KCNMB1: variants seen among roughly 807,000 people sequenced by gnomAD.
KCNMB1 encodes the protein calcium-activated potassium channel subunit beta-1.
A neutral mutation model predicts 21.7 loss-of-function variants in KCNMB1; 22 were observed. The ratio of observed to expected loss-of-function variants is 1.01; its 90% CI spans 0.72 to 1.45. The LOEUF (loss-of-function observed/expected upper bound fraction) is 1.45. Ranked by LOEUF, KCNMB1 falls within the 40% of genes most tolerant of loss-of-function variation. The probability of loss-of-function intolerance (pLI) is 0.00; values close to 1 mark genes in which losing one functional copy is unlikely to be tolerated. For missense variants in KCNMB1, 243 were observed against 243.4 expected (o/e 1.00, Z 0.01); for synonymous variants, 114 against 107.6 (o/e 1.06, Z -0.37).
At chr5:170,379,764 C>T (rs1414060541) in intron 3 of KCNMB1, among the ~76,000 whole-genome samples, 1 of 151,982 alleles carries the variant, frequency 6.6e-6, no homozygotes, top group Admixed American at 6.5e-5. Context: ...GCCTAGGCAA[C>T]ATAGCAAGAC....
chr5:170,383,431 G>C (rs1366019670), intron 3 of KCNMB1: 2 of 609,100 alleles, frequency 3.3e-6, no homozygotes, highest in Non-Finnish European at 5.9e-6. Flanking sequence ...ACTTTACAAG[G>C]GTGGAAACTG....
chr5:170,379,045 AAAG>A (rs1269621180), intron 3 of KCNMB1, 72 bp from the exon 4 acceptor site: 1 of 1,538,530 alleles, frequency 6.5e-7, no homozygotes, highest in African/African-American at 1.4e-5. Context: ...GATATGGAGT[AAAG>A]AAAAATACCA....
chr5:170,380,580 C>T (rs1764200463), intron 3 of KCNMB1, among the ~76,000 whole-genome samples: 1 of 152,224 alleles, frequency 6.6e-6, no homozygotes, highest in Non-Finnish European at 1.5e-5. Flanking sequence ...AGATGCTGCA[C>T]TCAGATCTAG....
chr5:170,378,457 T>C lies in KCNMB1; in HGVS notation c.*247A>G, dbSNP rs991612765. ...GAGTCAGTTGAGTGGGGACAGGTAATAGAGAGCTAGAACTGGCTGGCCTTA... is the reference window on the plus strand; with the variant it reads ...GAGTCAGTTGAGTGGGGACAGGTAACAGAGAGCTAGAACTGGCTGGCCTTA... On this transcript the variant is annotated 3_prime_UTR_variant, in exon 4 of 4. Transcript: ENST00000274629. 1.2e-5 allele frequency: 6 copies of C among 506,644 alleles called. No individual in the cohort carries two copies. The highest frequency in any genetic ancestry group is 1.1e-4 in the Admixed American group (3 of 27,366). The allele number at this position is 506,644 out of a possible 1,614,324, so 31.4% of individuals were successfully genotyped here.
intron 3 of KCNMB1, among the ~76,000 whole-genome samples, chr5:170,380,724 C>A (rs1054442385): frequency 6.6e-6 from 1 of 152,200 alleles, no homozygotes; most frequent in Non-Finnish European, 1.5e-5. Context: ...GGTGAGGGGG[C>A]CTGGCCTGAG....
chr5:170,378,946 T>C lies in KCNMB1; in HGVS notation c.334A>G (p.Asn112Asp). 1 of 1,614,106 alleles carries C rather than the reference T, an allele frequency of 6.2e-7. No individual in the cohort carries two copies. Among genetic ancestry groups the C allele is most frequent in the Non-Finnish European group, 8.5e-7 (1 of 1,179,942 alleles). Residue 112 changes from asparagine to aspartate, a missense_variant, in exon 4 of 4, where the codon AAT becomes GAT. Asn to Asp is a conservative substitution (Grantham distance 23). Transcript: ENST00000274629. ...ACGTCGGCCCGGGCCGTCTGGTAAT[T>C]GTCCACGCTGCCTGGGATGTAGGAG... Reference protein sequence around the residue: ...QCSYIPGSVDNYQTARADVEK... With the variant: ...QCSYIPGSVDDYQTARADVEK...
rs1167024310 is a variant in KCNMB1 at position 170,378,898 on chromosome 5, G to T, written c.382C>A (p.Gln128Lys). Residue 128 changes from glutamine to lysine, a missense_variant, in exon 4 of 4, where the codon CAA becomes AAA. Coordinates refer to ENST00000274629, the MANE Select transcript of KCNMB1 (RefSeq NM_004137.4). ...ADVEKVRAKF[Q>K]EQQVFYCFSA... ...AAGCAGTAGAAGACCTGCTGCTCTT[G>T]GAATTTGGCTCTGACCTTCTCCACG... is the stretch of plus-strand genomic sequence containing the variant. 6.2e-7 allele frequency: 1 copy of T among 1,614,132 alleles called. No individual in the cohort carries two copies. The highest frequency in any genetic ancestry group is 8.5e-7 in the Non-Finnish European group (1 of 1,180,058).
At chr5:170,385,563 C>G in intron 1 of KCNMB1, 92 bp from the exon 2 acceptor site, 1 of 1,129,370 alleles carries the variant, frequency 8.9e-7, no homozygotes, top group African/African-American at 1.5e-5. Context: ...AGGTACTCAA[C>G]TATTAATATC....
Position 170,378,952 on chromosome 5 carries a change from C to T in KCNMB1, c.328G>A (p.Val110Met), listed in dbSNP as rs2301149. 2.2e-5 allele frequency: 36 copies of T among 1,613,916 alleles called. No homozygotes were observed. The East Asian group carries it at 6.0e-4, about 27-fold the overall frequency. ...GCCCGGGCCGTCTGGTAATTGTCCA[C>T]GCTGCCTGGGATGTAGGAGCACTGT... is the stretch of plus-strand genomic sequence containing the variant. Reference protein sequence around the residue: ...NQQCSYIPGSVDNYQTARADV... With the variant: ...NQQCSYIPGSMDNYQTARADV... The change falls in exon 4 of 4, where the codon GTG becomes ATG. Residue 110 changes from valine (V) to methionine (M), a missense_variant. Physicochemically the swap from Val to Met is conservative, Grantham distance 21. Transcript: ENST00000274629.
chr5:170,378,903 T>C lies in KCNMB1; in HGVS notation c.377A>G (p.Lys126Arg). The change falls in exon 4 of 4, where the codon AAA becomes AGA. Residue 126 changes from lysine to arginine, a missense_variant. Transcript: ENST00000274629. Reference protein sequence around the residue: ...ARADVEKVRAKFQEQQVFYCF... With the variant: ...ARADVEKVRARFQEQQVFYCF... ...GTAGAAGACCTGCTGCTCTTGGAAT[T>C]TGGCTCTGACCTTCTCCACGTCGGC... The C allele has an allele frequency of 6.2e-7, 1 of 1,614,210 alleles. No individual in the cohort carries two copies. Among genetic ancestry groups the C allele is most frequent in the South Asian group, 1.1e-5 (1 of 91,078 alleles).
chr5:170,381,226 T>A (rs1764227184), intron 3 of KCNMB1, among the ~76,000 whole-genome samples: 1 of 152,176 alleles, frequency 6.6e-6, no homozygotes, highest in African/African-American at 2.4e-5. Flanking sequence ...GGGGCCTGAA[T>A]GCATCCTTTC....
chr5:170,386,128 A>C (rs1237634386), intron 1 of KCNMB1, among the ~76,000 whole-genome samples: 1 of 152,004 alleles, frequency 6.6e-6, no homozygotes, highest in Non-Finnish European at 1.5e-5. Context: ...CCGTCAAAAA[A>C]AAAAACAAAA....
Position 170,378,737 on chromosome 5 carries a change from G to C in KCNMB1, c.543C>G (p.Asn181Lys). ...GLLIIAMVKSNQYLSILAAQK is the reference protein window; with the variant it reads ...GLLIIAMVKSKQYLSILAAQK ...GGGCCGCCAGGATGGACAGGTACTG[G>C]TTGCTCTTCACCATGGCGATAATGA... is the stretch of plus-strand genomic sequence containing the variant. Residue 181 changes from asparagine (N) to lysine (K), a missense_variant, in exon 4 of 4, where the codon AAC (asparagine) becomes AAG (lysine). Coordinates refer to ENST00000274629, the MANE Select transcript of KCNMB1 (RefSeq NM_004137.4). 1.9e-6 allele frequency: 3 copies of C among 1,613,974 alleles called. No individual in the cohort carries two copies. Among genetic ancestry groups the C allele is most frequent in the Non-Finnish European group, 2.5e-6 (3 of 1,179,950 alleles).
intron 3 of KCNMB1, chr5:170,382,655 CTTTTT>C (rs5873227): frequency 0.033 from 4,315 of 129,512 alleles, 143 homozygotes; most frequent in African/African-American, 0.091. Flanking sequence ...AAGAGCCTTT[CTTTTT>C]TTTTTTTTTT....
intron 3 of KCNMB1, among the ~76,000 whole-genome samples, chr5:170,380,095 G>A (rs1292871838): frequency 6.6e-6 from 1 of 152,222 alleles, no homozygotes; most frequent in Non-Finnish European, 1.5e-5. Flanking sequence ...ATTGAAAAGA[G>A]TTTTGTGCCA....
intron 3 of KCNMB1, 75 bp downstream of exon 3, chr5:170,383,603 GA>G (rs781095389): frequency 6.6e-7 from 1 of 1,525,258 alleles, no homozygotes; most frequent in Admixed American, 1.7e-5. Context: ...CAGCCTCGGG[GA>G]CAGGGACAGT....
chr5:170,383,266 G>C, intron 3 of KCNMB1: 1 of 357,142 alleles, frequency 2.8e-6, no homozygotes, highest in Middle Eastern at 7.4e-4. Context: ...CCCTGGGCCT[G>C]GTCCCTCATT....
At position 170,387,047 on chromosome 5, in the gene KCNMB1, C is replaced by T. The variant is rs1047230209; in HGVS notation, c.-24-1576G>A. ...CCCAGCCATGGTCCCCGCGTGATTT[C>T]CCATGGTTCCGCAAGCTGTCCTAGA... On this transcript the variant is annotated intron_variant, in intron 1 of 3. Transcript: ENST00000274629. Among the ~76,000 whole-genome samples, 9 of 152,208 alleles carry T rather than the reference C, an allele frequency of 5.9e-5. No individual in the cohort carries two copies. In the South Asian group the frequency reaches 1.9e-3, roughly 32 times the overall value.
At position 170,383,782 on chromosome 5, in the gene KCNMB1, C is replaced by A. The variant is rs984046056; in HGVS notation, c.203G>T (p.Gly68Val). The change falls in exon 3 of 4, where the codon GGC (glycine) becomes GTC (valine). Residue 68 changes from glycine to valine, a missense_variant. By Grantham distance (109) the Gly-to-Val change is moderately radical. Coordinates refer to ENST00000274629, the MANE Select transcript of KCNMB1 (RefSeq NM_004137.4). ...GCATGGGTACTGGGGCACCTTCTTGCCCTTCAGCTCCTCCTGGTCCCTGAT... is the reference window on the plus strand; with the variant it reads ...GCATGGGTACTGGGGCACCTTCTTGACCTTCAGCTCCTCCTGGTCCCTGAT... ...TNIRDQEELKGKKVPQYPCLW... is the reference protein window; with the variant it reads ...TNIRDQEELKVKKVPQYPCLW... The A allele has an allele frequency of 9.9e-6, 16 of 1,613,946 alleles. No homozygotes were observed. The highest frequency in any genetic ancestry group is 1.4e-5 in the Non-Finnish European group (16 of 1,179,978).
Sources: gnomAD v4.1 joint callset for allele counts (sites outside exome capture counted in the v4.1 genomes callset) on GRCh38, gnomAD v4.1.1 for gene constraint, MANE v1.5 for transcripts, NCBI Gene and HGNC (gene_info 2026-07-23, HGNC 2026-07-21) for gene names.